Variants in PHF21B observed in about 807,000 individuals in gnomAD.
PHF21B encodes PHD finger protein 21B, also known as PHD finger protein 4.
PHF21B carries 22 observed loss-of-function variants against 62.2 expected under a neutral mutation model. The observed-to-expected ratio is 0.35, with a 90% CI of 0.25 to 0.51. The LOEUF is 0.51. Ranked by LOEUF, PHF21B falls within the 20% of genes least tolerant of loss-of-function variation. The pLI, the probability that PHF21B is intolerant of heterozygous loss-of-function variation, is 0.97. For synonymous variants in PHF21B, 341 were observed against 314.7 expected (o/e 1.08, Z -0.88); for missense variants, 701 against 707.9 (o/e 0.99, Z 0.11).
At chr22:44,927,242 G>A (rs116178042) in intron 2 of PHF21B, among the ~76,000 whole-genome samples, 10 of 151,296 alleles carry the variant, frequency 6.6e-5, no homozygotes, top group South Asian at 2.1e-4. Context: ...GTCCACACCC[G>A]CAGGAGGCCG....
At chr22:44,916,152 C>T (rs1001432550) in intron 4 of PHF21B, 128 bp downstream of exon 4, 4 of 875,882 alleles carry the variant, frequency 4.6e-6, no homozygotes, top group Admixed American at 2.9e-5. Flanking sequence ...CATTTGTCCA[C>T]TTGATCATTC....
At chr22:44,942,607 C>A (rs1232453171) in intron 2 of PHF21B, among the ~76,000 whole-genome samples, 1 of 152,174 alleles carries the variant, frequency 6.6e-6, no homozygotes, top group Non-Finnish European at 1.5e-5. Flanking sequence ...AGCTGCCCCA[C>A]ACAGGGCACC....
In PHF21B at chr22:44,935,822, C is replaced by T. The variant is rs77878758; in HGVS notation, c.121-15332G>A. Among the ~76,000 whole-genome samples, 372 of 152,114 alleles carry T rather than the reference C, an allele frequency of 2.4e-3. 2 individuals carry two copies. The highest frequency in any genetic ancestry group is 8.7e-3 in the African/African-American group (360 of 41,512). ...AGCTTCACAGGGGGAGCAGAGTTAG[C>T]GAGACTAGAAAAGTGTTCAGCTCAA... On this transcript the variant is annotated intron_variant, in intron 2 of 12. Transcript: ENST00000313237.
chr22:45,007,093 CGGCCGGGGGCGGGGG>C (rs2073328980), intron 2 of PHF21B, among the ~76,000 whole-genome samples: 1 of 151,258 alleles, frequency 6.6e-6, no homozygotes, highest in Non-Finnish European at 1.5e-5. Context: ...CGGGGGCGCG[CGGCCGGGGGCGGGGG>C]GGCCGCGGCA....
chr22:44,884,183 T>C (rs57153432), intron 12 of PHF21B, among the ~76,000 whole-genome samples: 224 of 44,294 alleles, frequency 5.1e-3, no homozygotes, highest in Middle Eastern at 0.016. Flanking sequence ...CCACCATCAT[T>C]ACCACCATCA....
At chr22:44,999,549 G>A (rs189650200) in intron 2 of PHF21B, among the ~76,000 whole-genome samples, 6 of 152,178 alleles carry the variant, frequency 3.9e-5, no homozygotes, top group Admixed American at 6.5e-5. Context: ...TACTGCTCGC[G>A]GTCACCAGGA....
intron 2 of PHF21B, among the ~76,000 whole-genome samples, chr22:44,928,828 C>A (rs762980843): frequency 3.9e-5 from 6 of 152,210 alleles, no homozygotes; most frequent in African/African-American, 1.2e-4. Context: ...AAGGGTGGAC[C>A]AGGCTCTCCA....
At chr22:44,937,401 C>T (rs1156262065) in intron 2 of PHF21B, among the ~76,000 whole-genome samples, 3 of 152,200 alleles carry the variant, frequency 2.0e-5, no homozygotes, top group African/African-American at 7.2e-5. Flanking sequence ...AGCACAGGTG[C>T]AGGCCGCTGA....
Position 45,009,079 on chromosome 22 carries a change from A to T in PHF21B, c.54+417T>A, listed in dbSNP as rs1425683084. ...TCCGGCCGCCACGCCGCCGCTCGCCAGCAGCGATCGCCAAAACTACTTCTG... is the reference window on the plus strand; with the variant it reads ...TCCGGCCGCCACGCCGCCGCTCGCCTGCAGCGATCGCCAAAACTACTTCTG... On this transcript the variant is annotated intron_variant, in intron 1 of 12. Transcript: ENST00000313237. The surrounding 1 kb of genome is among the most constrained non-coding windows in gnomAD (Gnocchi z 5.9). 1 of 1,096,086 alleles carries T rather than the reference A, an allele frequency of 9.1e-7. No homozygotes were observed. The highest frequency in any genetic ancestry group is 4.9e-5 in the Admixed American group (1 of 20,520). 67.9% of individuals were successfully genotyped at this position (1,096,086 alleles called of 1,614,324 possible).
intron 5 of PHF21B, among the ~76,000 whole-genome samples, chr22:44,912,161 A>C (rs1391572128): frequency 1.3e-5 from 2 of 152,226 alleles, no homozygotes; most frequent in Non-Finnish European, 2.9e-5. Flanking sequence ...CATTGTATTT[A>C]GGAAGTAACT....
At chr22:44,996,991 C>A (rs1020387691) in intron 2 of PHF21B, among the ~76,000 whole-genome samples, 1 of 152,216 alleles carries the variant, frequency 6.6e-6, no homozygotes, top group Non-Finnish European at 1.5e-5. Context: ...CACCTTCCGA[C>A]CCACTCCACG....
chr22:45,006,408 C>A (rs1349733062), intron 2 of PHF21B, among the ~76,000 whole-genome samples: 3 of 152,146 alleles, frequency 2.0e-5, no homozygotes, highest in Non-Finnish European at 4.4e-5. Flanking sequence ...GAGGTCAGTT[C>A]GCAAGCAAGC....
intron 2 of PHF21B, among the ~76,000 whole-genome samples, chr22:44,943,670 C>T (rs766553641): frequency 2.6e-5 from 4 of 152,138 alleles, no homozygotes; most frequent in Non-Finnish European, 4.4e-5. Flanking sequence ...TAGATTTCGA[C>T]GGACAGGTTT....
At chr22:44,942,051 C>A (rs757290727) in intron 2 of PHF21B, among the ~76,000 whole-genome samples, 10 of 152,150 alleles carry the variant, frequency 6.6e-5, no homozygotes, top group Non-Finnish European at 1.3e-4. Context: ...GGAATGCGGC[C>A]CTGGGGACTC....
intron 9 of PHF21B, among the ~76,000 whole-genome samples, chr22:44,889,073 C>T (rs1188808953): frequency 6.6e-6 from 1 of 152,232 alleles, no homozygotes; most frequent in Admixed American, 6.5e-5. Context: ...AATGACACAG[C>T]CTAACCGGAG....
At chr22:44,938,766 G>A (rs566026074) in intron 2 of PHF21B, among the ~76,000 whole-genome samples, 15 of 152,318 alleles carry the variant, frequency 9.8e-5, no homozygotes, top group African/African-American at 3.1e-4. Flanking sequence ...TCTCTAGGAG[G>A]AGACCCAGGA....
chr22:44,956,785 A>C (rs1182138291), intron 2 of PHF21B, among the ~76,000 whole-genome samples: 2 of 152,174 alleles, frequency 1.3e-5, no homozygotes, highest in African/African-American at 4.8e-5. Flanking sequence ...TTGGAAACAG[A>C]AAACTTGGGC....
chr22:44,979,331 A>G (rs1386189463), intron 2 of PHF21B, among the ~76,000 whole-genome samples: 1 of 152,226 alleles, frequency 6.6e-6, no homozygotes, highest in Non-Finnish European at 1.5e-5. Context: ...ACACCAGGGA[A>G]AGAGCAGCCA....
intron 2 of PHF21B, among the ~76,000 whole-genome samples, chr22:44,993,655 A>C (rs562155633): frequency 6.6e-6 from 1 of 152,324 alleles, no homozygotes; most frequent in Admixed American, 6.5e-5. Context: ...CACAGATGAG[A>C]AAAATCGAGA....
Sources: gnomAD v4.1 joint callset for allele counts (sites outside exome capture counted in the v4.1 genomes callset) on GRCh38, gnomAD v4.1.1 for gene constraint, Gnocchi (gnomAD v3.1) non-coding constraint, MANE v1.5 for transcripts, NCBI Gene and HGNC (gene_info 2026-07-23, HGNC 2026-07-21) for gene names.